Variants in CNOT7 observed in about 807,000 individuals in gnomAD.
The protein encoded by CNOT7 is CCR4-NOT transcription complex subunit 7, also known as BTG1-binding factor 1.
CNOT7 carries 4 observed loss-of-function variants against 37.1 expected under a neutral mutation model. The ratio of observed to expected loss-of-function variants is 0.11; its 90% confidence interval spans 0.05 to 0.25. The LOEUF (loss-of-function observed/expected upper bound fraction) is 0.25, where lower values mean the gene tolerates loss of function less well. CNOT7 is among the 10% of genes least tolerant of loss of function. The pLI, the probability that CNOT7 is intolerant of heterozygous loss-of-function variation, is 1.00. For synonymous variants in CNOT7, 128 were observed against 115.6 expected (o/e 1.11, Z -0.69); for missense variants, 170 against 336.2 (o/e 0.51, Z 3.87).
At chr8:17,245,013 T>C in intron 2 of CNOT7, 23 bp downstream of exon 2, 4 of 1,579,212 alleles carry the variant, frequency 2.5e-6, no homozygotes, top group Non-Finnish European at 3.5e-6. Context: ...TGAAGCGTTT[T>C]AAAGATCTGC....
chr8:17,229,861 G>C lies in CNOT7; in HGVS notation c.*859C>G, dbSNP rs1808412430. On this transcript the variant is annotated 3_prime_UTR_variant, in exon 7 of 7. Transcript: ENST00000361272. ...ATTTAAAAAAAAAAAAAGGGTAAAT[G>C]GTGATGGAATAAAAATAAGCAGATC... 2.6e-5 allele frequency: 4 copies of C among 151,296 alleles called. No homozygotes were observed. The highest frequency in any genetic ancestry group is 7.3e-5 in the African/African-American group (3 of 41,272). 9.4% of individuals were successfully genotyped at this position (151,296 alleles called of 1,614,324 possible).
rs137985079 is a variant in CNOT7, at chr8:17,227,323, C to G, written c.*3397G>C. 10 of 151,804 alleles carry G rather than the reference C, an allele frequency of 6.6e-5. No individual in the cohort carries two copies. Among genetic ancestry groups the G allele is most frequent in the African/African-American group, 1.7e-4 (7 of 41,408 alleles). 9.4% of individuals were successfully genotyped at this position (151,804 alleles called of 1,614,324 possible). A position where few individuals can be genotyped will look rare whatever the true frequency, so the allele number is the denominator to read the frequency against. ...CACTTGTAGTTCCATACAAATTCTTCGATCACTTCAAATCCAGCAATGGTT... is the reference window on the plus strand; with the variant it reads ...CACTTGTAGTTCCATACAAATTCTTGGATCACTTCAAATCCAGCAATGGTT... On this transcript the variant is annotated 3_prime_UTR_variant, in exon 7 of 7. Transcript: ENST00000361272.
rs767220899 is a variant in CNOT7 at position 17,243,202 on chromosome 8, A to C, written c.118-17T>G. ...CTCGGTGTCCTGTAAAATAGTTTTA[A>C]GATTCATTATGTACTAAACAGTCAA... On this transcript the variant is annotated splice_polypyrimidine_tract_variant and intron_variant, in intron 2 of 6. Coordinates refer to ENST00000361272, the MANE Select transcript of CNOT7 (RefSeq NM_013354.7). 1 of 1,572,404 alleles carries C rather than the reference A, an allele frequency of 6.4e-7. No individual in the cohort carries two copies. The highest frequency in any genetic ancestry group is 1.4e-5 in the African/African-American group (1 of 72,732).
chr8:17,232,882 AT>A (rs1808817322), intron 5 of CNOT7, among the ~76,000 whole-genome samples: 2 of 152,164 alleles, frequency 1.3e-5, no homozygotes, highest in South Asian at 4.1e-4. Context: ...TCCAGTAATA[AT>A]TATAAAACTG....
chr8:17,229,197 A>ATT lies in CNOT7; in HGVS notation c.*1521_*1522dup, dbSNP rs1808346913. 1 of 152,020 alleles carries ATT rather than the reference A, an allele frequency of 6.6e-6. No individual in the cohort carries two copies. Among genetic ancestry groups the ATT allele is most frequent in the Non-Finnish European group, 1.5e-5 (1 of 67,866 alleles). The allele number at this position is 152,020 out of a possible 1,614,324, so 9.4% of individuals were successfully genotyped here. Reference sequence around the variant, plus strand: ...AATGAACAATATCCCCCAAATAAGTATTTCCAAAAGAAAATCACCAGTCAT... The same window carrying ATT: ...AATGAACAATATCCCCCAAATAAGTATTTTTCCAAAAGAAAATCACCAGTCAT... On this transcript the variant is annotated 3_prime_UTR_variant, in exon 7 of 7. Coordinates refer to ENST00000361272, the MANE Select transcript of CNOT7 (RefSeq NM_013354.7).
chr8:17,237,380 G>A lies in CNOT7; in HGVS notation c.312-7C>T. ...CTGGGCATACATGTCCTCCCTGGCA[G>A]AAGAAAGAGAAAGACAACATTCAAA... On this transcript the variant is annotated splice_region_variant and splice_polypyrimidine_tract_variant and intron_variant, in intron 3 of 6. Coordinates refer to ENST00000361272, the MANE Select transcript of CNOT7 (RefSeq NM_013354.7). 1 of 1,612,602 alleles carries A rather than the reference G, an allele frequency of 6.2e-7. No homozygotes were observed.
At chr8:17,233,941 C>A (rs893354409) in intron 5 of CNOT7, among the ~76,000 whole-genome samples, 1 of 152,128 alleles carries the variant, frequency 6.6e-6, no homozygotes, top group Non-Finnish European at 1.5e-5. Flanking sequence ...TTAATTCCAG[C>A]TACACAGGAG....
In CNOT7 at chr8:17,228,471, T is replaced by C. The variant is rs1563181070; in HGVS notation, c.*2249A>G. 1 of 151,962 alleles carries C rather than the reference T, an allele frequency of 6.6e-6. No homozygotes were observed. Among genetic ancestry groups the C allele is most frequent in the African/African-American group, 2.4e-5 (1 of 41,426 alleles). 9.4% of individuals were successfully genotyped at this position (151,962 alleles called of 1,614,324 possible). A position where few individuals can be genotyped will look rare whatever the true frequency, so the allele number is the denominator to read the frequency against. ...ACATCTGAAAAAATACTAAGATGCA[T>C]TTAATGCAGGCAACAGCATACAGTC... is the stretch of plus-strand genomic sequence containing the variant. On this transcript the variant is annotated 3_prime_UTR_variant, in exon 7 of 7. Coordinates refer to ENST00000361272, the MANE Select transcript of CNOT7 (RefSeq NM_013354.7).
In CNOT7 at chr8:17,224,997, G is replaced by A. The variant is rs1280940316; in HGVS notation, c.*5723C>T. On this transcript the variant is annotated 3_prime_UTR_variant, in exon 7 of 7. Transcript: ENST00000361272. Reference sequence around the variant, plus strand: ...AAGAACAAGTTTTTATTATGCATGGGTTTCGCAGTGATACAAGACACCTGC... The same window carrying A: ...AAGAACAAGTTTTTATTATGCATGGATTTCGCAGTGATACAAGACACCTGC... The A allele has an allele frequency of 2.0e-5, 3 of 151,658 alleles. No homozygotes were observed. The highest frequency in any genetic ancestry group is 4.4e-5 in the Non-Finnish European group (3 of 67,670). 9.4% of individuals were successfully genotyped at this position (151,658 alleles called of 1,614,324 possible). A position where few individuals can be genotyped will look rare whatever the true frequency, so the allele number is the denominator to read the frequency against.
intron 2 of CNOT7, chr8:17,244,470 G>A (rs1810617739): frequency 6.6e-6 from 1 of 152,212 alleles, no homozygotes; most frequent in Non-Finnish European, 1.5e-5. Flanking sequence ...TCATAGCCAC[G>A]CCCTAATGTT....
chr8:17,240,763 G>C (rs1371285565), intron 3 of CNOT7, among the ~76,000 whole-genome samples: 1 of 152,150 alleles, frequency 6.6e-6, no homozygotes, highest in Non-Finnish European at 1.5e-5. Context: ...TTTATCATTT[G>C]AGAAAAAGGA....
chr8:17,243,371 T>A, intron 2 of CNOT7, 186 bp from the exon 3 acceptor site: 1 of 641,922 alleles, frequency 1.6e-6, no homozygotes, highest in East Asian at 2.8e-5. Context: ...ATAAACTTAA[T>A]AACCTTTCCT....
At chr8:17,235,044 T>C (rs1809161526) in intron 4 of CNOT7, among the ~76,000 whole-genome samples, 184 bp from the exon 5 acceptor site, 1 of 152,166 alleles carries the variant, frequency 6.6e-6, no homozygotes, top group African/African-American at 2.4e-5. Flanking sequence ...TGTCGTCATC[T>C]TACAGTATTA....
At chr8:17,234,993 CAAG>C (rs2150979677) in intron 4 of CNOT7, 133 bp from the exon 5 acceptor site, 1 of 679,172 alleles carries the variant, frequency 1.5e-6, no homozygotes, top group Non-Finnish European at 2.4e-6. Context: ...GAAGTGCACA[CAAG>C]AACAGAGAAA....
intron 3 of CNOT7, among the ~76,000 whole-genome samples, chr8:17,240,859 G>T (rs1363617569): frequency 1.3e-5 from 2 of 152,182 alleles, no homozygotes; most frequent in Non-Finnish European, 2.9e-5. Context: ...CTTTATAAAT[G>T]AGGTGTTCAA....
At chr8:17,232,333 A>C (rs1808747771) in intron 6 of CNOT7, 94 bp downstream of exon 6, 1 of 1,599,834 alleles carries the variant, frequency 6.3e-7, no homozygotes, top group Admixed American at 1.8e-5. Context: ...ATCTTTACTT[A>C]GTAGGTACTT....
chr8:17,230,717 A>G lies in CNOT7; in HGVS notation c.*3T>C, dbSNP rs1381098696. 6.3e-7 allele frequency: 1 copy of G among 1,594,758 alleles called. No homozygotes were observed. Among genetic ancestry groups the G allele is most frequent in the Non-Finnish European group, 8.5e-7 (1 of 1,173,174 alleles). ...GAAATAAAAATAAAAGGACTATTTC[A>G]TGTCATGACTGCTTGTTGGCTTCCT... On this transcript the variant is annotated 3_prime_UTR_variant, in exon 7 of 7. Coordinates refer to ENST00000361272, the MANE Select transcript of CNOT7 (RefSeq NM_013354.7).
chr8:17,230,895 G>C (rs766245247), intron 6 of CNOT7, 47 bp from the exon 7 acceptor site: 1 of 1,359,334 alleles, frequency 7.4e-7, no homozygotes, highest in South Asian at 1.3e-5. Flanking sequence ...TTAACCAAAA[G>C]GAACCACTTG....
At position 17,228,534 on chromosome 8, in the gene CNOT7, T is replaced by C. The variant is rs1808309108; in HGVS notation, c.*2186A>G. ...ATGGTTCAAGTTATAAATTTTGACT[T>C]TGCAATGGTGCAAAAGCAATACACA... On this transcript the variant is annotated 3_prime_UTR_variant, in exon 7 of 7. Coordinates refer to ENST00000361272, the MANE Select transcript of CNOT7 (RefSeq NM_013354.7). 6.6e-6 allele frequency: 1 copy of C among 151,956 alleles called. No homozygotes were observed. The highest frequency in any genetic ancestry group is 2.1e-4 in the South Asian group (1 of 4,832). The allele number at this position is 151,956 out of a possible 1,614,324, so 9.4% of individuals were successfully genotyped here.
Sources: allele counts gnomAD v4.1 joint callset (sites outside exome capture counted in the v4.1 genomes callset), GRCh38; gene constraint gnomAD v4.1.1; transcripts MANE v1.5; gene names NCBI Gene and HGNC (gene_info 2026-07-23, HGNC 2026-07-21).